Variants in PRRC2C observed in about 807,000 individuals in gnomAD.
The protein encoded by PRRC2C is protein PRRC2C.
PRRC2C carries 72 observed loss-of-function variants against 317.2 expected under a neutral mutation model. The observed-to-expected ratio is 0.23, with a 90% CI of 0.19 to 0.28. The LOEUF (loss-of-function observed/expected upper bound fraction) is 0.28, where lower values mean the gene tolerates loss of function less well. Among genes scored for constraint, PRRC2C ranks in the 10% least tolerant of loss-of-function variants. The pLI is 1.00. For missense variants in PRRC2C, 3,074 were observed against 3,459.7 expected, an observed-to-expected ratio of 0.89 and a Z score of 2.80; for synonymous variants, 1,296 against 1,205.9, an observed-to-expected ratio of 1.07 and a Z score of -1.55.
chr1:171,561,260 C>G (rs1209069471), intron 20 of PRRC2C, among the ~76,000 whole-genome samples, 157 bp downstream of exon 20: 1 of 152,020 alleles, frequency 6.6e-6, no homozygotes, highest in South Asian at 2.1e-4. Flanking sequence ...TGAGACCCGC[C>G]TGGGCAATGT....
At chr1:171,543,394 G>A (rs948549400) in intron 16 of PRRC2C, among the ~76,000 whole-genome samples, 1 of 151,680 alleles carries the variant, frequency 6.6e-6, no homozygotes, top group Non-Finnish European at 1.5e-5. Context: ...GCATTATAAC[G>A]TAGCAGTTAA....
At position 171,592,424 on chromosome 1, in the gene PRRC2C, G is replaced by C. The variant is rs935457696; in HGVS notation, c.*577G>C. The C allele has an allele frequency of 1.3e-5, 2 of 152,340 alleles. No individual in the cohort carries two copies. The highest frequency in any genetic ancestry group is 4.8e-5 in the African/African-American group (2 of 41,434). 9.4% of individuals were successfully genotyped at this position (152,340 alleles called of 1,614,324 possible). On this transcript the variant is annotated 3_prime_UTR_variant, in exon 35 of 35. Transcript: ENST00000647382. The stretch of plus-strand genomic sequence containing the variant: ...AGTTGAACACAATCAAAGTACAGTA[G>C]TAACTGATGTCCCCTTCTTCCTGGA...
At chr1:171,585,132 G>A (rs1361760076) in intron 30 of PRRC2C, among the ~76,000 whole-genome samples, 2 of 151,920 alleles carry the variant, frequency 1.3e-5, no homozygotes, top group African/African-American at 2.4e-5. Flanking sequence ...TTAGGTTTCC[G>A]TGTAATTATT....
intron 1 of PRRC2C, among the ~76,000 whole-genome samples, chr1:171,492,435 T>A (rs544085393): frequency 6.6e-6 from 1 of 152,220 alleles, no homozygotes; most frequent in African/African-American, 2.4e-5. Context: ...CATGTGCCTG[T>A]GGTCTTAGCT....
chr1:171,522,667 G>C (rs970563120), intron 7 of PRRC2C: 2 of 154,408 alleles, frequency 1.3e-5, no homozygotes, highest in Non-Finnish European at 2.9e-5. Flanking sequence ...CCAGCTACTC[G>C]GGAGGCTGAG....
Position 171,584,408 on chromosome 1 carries a change from A to T in PRRC2C, c.7642-11A>T, listed in dbSNP as rs1008127162. The T allele has an allele frequency of 1.9e-6, 3 of 1,539,892 alleles. No homozygotes were observed. Among genetic ancestry groups the T allele is most frequent in the Admixed American group, 4.5e-5 (2 of 44,932 alleles). ...AGTCTTACTCATGTTTTCTTAAAAAATTTTTTCTAGGCCAGAGCAAATCTT... is the reference window on the plus strand; with the variant it reads ...AGTCTTACTCATGTTTTCTTAAAAATTTTTTTCTAGGCCAGAGCAAATCTT... On this transcript the variant is annotated splice_polypyrimidine_tract_variant and intron_variant, in intron 29 of 34. Transcript: ENST00000647382.
intron 12 of PRRC2C, among the ~76,000 whole-genome samples, chr1:171,533,511 GTTC>G (rs1676245061): frequency 6.6e-6 from 1 of 151,950 alleles, no homozygotes; most frequent in Non-Finnish European, 1.5e-5. Flanking sequence ...CAACTTTTTT[GTTC>G]TTCTCCGAGT....
chr1:171,509,506 T>C (rs1241726397), intron 1 of PRRC2C: 2 of 152,070 alleles, frequency 1.3e-5, no homozygotes, highest in South Asian at 4.1e-4. Context: ...AGATAAACTT[T>C]CTGTATTGCA....
chr1:171,543,196 C>T (rs1282814260), intron 16 of PRRC2C, among the ~76,000 whole-genome samples: 1 of 151,134 alleles, frequency 6.6e-6, no homozygotes, highest in Non-Finnish European at 1.5e-5. Context: ...AGTGAAACCC[C>T]GTCCTCTACT....
chr1:171,549,348 T>G lies in PRRC2C; in HGVS notation c.4973-738T>G, dbSNP rs770906232. 2.0e-5 allele frequency among the ~76,000 whole-genome samples: 3 copies of G among 152,316 alleles called. No homozygotes were observed. The South Asian group carries it at 6.2e-4, about 32-fold the overall frequency. ...CACAGCACTAAGCCAATTTATTTCA[T>G]TTTTTGAAAAGGAGAAATAATAGTA... On this transcript the variant is annotated intron_variant, in intron 17 of 34. Transcript: ENST00000647382.
At chr1:171,489,843 T>TCC (rs1399271194) in intron 1 of PRRC2C, among the ~76,000 whole-genome samples, 1 of 152,240 alleles carries the variant, frequency 6.6e-6, no homozygotes, top group Non-Finnish European at 1.5e-5. Context: ...TTCTGCTTCG[T>TCC]CCCAAACCAT....
chr1:171,510,074 ACT>A (rs1450683363), intron 1 of PRRC2C: 1 of 149,250 alleles, frequency 6.7e-6, no homozygotes, highest in African/African-American at 2.5e-5. Context: ...CTGGTCTTGA[ACT>A]CCTGACCTCA....
chr1:171,588,170 C>T (rs1650488394), intron 32 of PRRC2C, among the ~76,000 whole-genome samples: 1 of 152,048 alleles, frequency 6.6e-6, no homozygotes, highest in Non-Finnish European at 1.5e-5. Context: ...AAGCTGGTCT[C>T]GAACCAGCCA....
In PRRC2C at chr1:171,568,237, T is replaced by C; in HGVS notation, c.6559-10T>C. On this transcript the variant is annotated splice_polypyrimidine_tract_variant and intron_variant, in intron 22 of 34. Coordinates refer to ENST00000647382, the MANE Select transcript of PRRC2C (RefSeq NM_001387844.1). ...TTAAAATGTATTTTTTTTCTATTAC[T>C]ACTTCACAGGAGTCTGTAACAGACT... is the stretch of plus-strand genomic sequence containing the variant. 1 of 1,588,828 alleles carries C rather than the reference T, an allele frequency of 6.3e-7. No individual in the cohort carries two copies. The highest frequency in any genetic ancestry group is 8.6e-7 in the Non-Finnish European group (1 of 1,167,506).
At chr1:171,521,936 T>C (rs1231343719) in intron 6 of PRRC2C, among the ~76,000 whole-genome samples, 2 of 152,192 alleles carry the variant, frequency 1.3e-5, no homozygotes, top group African/African-American at 4.8e-5. Flanking sequence ...ATTAATATAA[T>C]ACAGAAGTTT....
chr1:171,500,204 A>G (rs1668833064), intron 1 of PRRC2C, among the ~76,000 whole-genome samples: 2 of 152,172 alleles, frequency 1.3e-5, no homozygotes, highest in African/African-American at 4.8e-5. Context: ...AGCAAATTGC[A>G]ATTTGCCGAA....
chr1:171,516,059 T>C (rs539715468), intron 5 of PRRC2C, among the ~76,000 whole-genome samples, 200 bp downstream of exon 5: 1 of 152,344 alleles, frequency 6.6e-6, no homozygotes, highest in East Asian at 1.9e-4. Flanking sequence ...ATGTGTCATC[T>C]TGGGCCTCGC....
At position 171,541,741 on chromosome 1, in the gene PRRC2C, G is replaced by A. The variant is rs145442080; in HGVS notation, c.4275G>A (p.Gln1425=). ...FDPARERPRR[Q]RPTRPPRQDK... is the part of the protein sequence containing the mutation. ...CAGCTAGAGAAAGGCCTCGAAGGCA[G>A]CGTCCTACTCGACCACCAAGGCAAG... The change falls in exon 16 of 35, where the codon CAG becomes CAA. Residue 1425 remains glutamine, a synonymous_variant. Coordinates refer to ENST00000647382, the MANE Select transcript of PRRC2C (RefSeq NM_001387844.1). The surrounding 1 kb of genome is among the most constrained non-coding windows in gnomAD (Gnocchi z 4.1). The A allele has an allele frequency of 8.1e-6, 13 of 1,613,852 alleles. No homozygotes were observed. Among genetic ancestry groups the A allele is most frequent in the African/African-American group, 6.7e-5 (5 of 74,924 alleles).
At chr1:171,546,022 A>AGTTT (rs1679060682) in intron 17 of PRRC2C, among the ~76,000 whole-genome samples, 1 of 151,724 alleles carries the variant, frequency 6.6e-6, no homozygotes, top group Non-Finnish European at 1.5e-5. Flanking sequence ...TTTGATTCTT[A>AGTTT]GTTATATTGG....
Sources: gnomAD v4.1 joint callset for allele counts (sites outside exome capture counted in the v4.1 genomes callset) on GRCh38, gnomAD v4.1.1 for gene constraint, Gnocchi (gnomAD v3.1) non-coding constraint, MANE v1.5 for transcripts, NCBI Gene and HGNC (gene_info 2026-07-23, HGNC 2026-07-21) for gene names.